Variants in ALPL observed in about 807,000 individuals in gnomAD.
ALPL encodes the protein alkaline phosphatase, tissue-nonspecific isozyme.
A neutral mutation model predicts 51.3 loss-of-function variants in ALPL; 42 were observed. That is an observed-to-expected ratio of 0.82 (90% CI 0.64 to 1.06). The LOEUF is 1.06. Among genes scored for constraint, ALPL ranks in the 50% least tolerant of loss-of-function variants. The probability of loss-of-function intolerance (pLI) is 0.00; values close to 1 mark genes in which losing one functional copy is unlikely to be tolerated. For synonymous variants in ALPL, 279 were observed against 296.4 expected (o/e 0.94, Z 0.60); for missense variants, 589 against 709.4 (o/e 0.83, Z 1.93).
At chr1:21,559,682 G>A (rs1355256320) in intron 2 of ALPL, among the ~76,000 whole-genome samples, 1 of 152,188 alleles carries the variant, frequency 6.6e-6, no homozygotes, top group Non-Finnish European at 1.5e-5. Flanking sequence ...GCCACGCCCA[G>A]CTAATTTTTC....
rs545364847 is a variant in ALPL at position 21,545,128 on chromosome 1, G to A, written c.-104-8850G>A. 4.9e-4 allele frequency among the ~76,000 whole-genome samples: 74 copies of A among 152,006 alleles called. 1 individual carries two copies. The highest frequency in any genetic ancestry group is 9.1e-4 in the Non-Finnish European group (62 of 67,988). On this transcript the variant is annotated intron_variant, in intron 1 of 11. Transcript: ENST00000374840. Reference sequence around the variant, plus strand: ...AAATTTAAAAAATAACTAAAAGAAGGGAATTATTAAATCAAATCTAGCCTA... The same window carrying A: ...AAATTTAAAAAATAACTAAAAGAAGAGAATTATTAAATCAAATCTAGCCTA...
intron 1 of ALPL, among the ~76,000 whole-genome samples, chr1:21,547,353 G>T (rs1644265983): frequency 6.6e-6 from 1 of 152,134 alleles, no homozygotes; most frequent in African/African-American, 2.4e-5. Context: ...TAGTGTGACC[G>T]AGTGTGTGCA....
chr1:21,560,842 A>C, intron 3 of ALPL, 97 bp downstream of exon 3: 2 of 1,481,234 alleles, frequency 1.4e-6, no homozygotes, highest in South Asian at 1.2e-5. Context: ...TGAAGGGGCT[A>C]GGGCTCTGGA....
rs1320839573 is a variant in ALPL at position 21,563,152 on chromosome 1, G to A, written c.340G>A (p.Ala114Thr). The change falls in exon 5 of 12, where the codon GCC becomes ACC. Residue 114 changes from alanine to threonine, a missense_variant. Ala to Thr is a moderately conservative substitution (Grantham distance 58, BLOSUM62 0). Transcript: ENST00000374840. ...NAQVPDSAGT[A>T]TAYLCGVKAN... ...CCAGGTCCCTGACAGTGCCGGCACC[G>A]CCACCGCCTACCTGTGTGGGGTGAA... 8.7e-6 allele frequency: 14 copies of A among 1,613,460 alleles called. No homozygotes were observed. Among genetic ancestry groups the A allele is most frequent in the Non-Finnish European group, 1.1e-5 (13 of 1,179,726 alleles).
chr1:21,542,558 C>T (rs1003594321), intron 1 of ALPL, among the ~76,000 whole-genome samples: 15 of 152,194 alleles, frequency 9.9e-5, no homozygotes, highest in Admixed American at 9.2e-4. Flanking sequence ...AATATAGCTT[C>T]CAGCCAGGCG....
intron 1 of ALPL, among the ~76,000 whole-genome samples, chr1:21,520,744 C>T (rs1361291134): frequency 1.3e-5 from 2 of 152,044 alleles, no homozygotes; most frequent in East Asian, 1.9e-4. Flanking sequence ...CCACGGTGCC[C>T]GGCCGAAAGC....
At chr1:21,550,247 G>A (rs1401228929) in intron 1 of ALPL, among the ~76,000 whole-genome samples, 1 of 152,136 alleles carries the variant, frequency 6.6e-6, no homozygotes, top group East Asian at 1.9e-4. Context: ...ACACTTGGGG[G>A]CAACAGAAAT....
chr1:21,546,084 G>A (rs1357269975), intron 1 of ALPL, among the ~76,000 whole-genome samples: 2 of 152,208 alleles, frequency 1.3e-5, no homozygotes, highest in Non-Finnish European at 2.9e-5. Context: ...AAAGTGCTGG[G>A]ATTGCAGGCA....
intron 1 of ALPL, among the ~76,000 whole-genome samples, chr1:21,514,896 C>T (rs1643764637): frequency 6.6e-6 from 1 of 152,140 alleles, no homozygotes; most frequent in Admixed American, 6.5e-5. Context: ...AGAGGGCAGA[C>T]ACCTTAGGAT....
chr1:21,532,335 G>T lies in ALPL; in HGVS notation c.-104-21643G>T, dbSNP rs7524179. 6.7e-3 allele frequency among the ~76,000 whole-genome samples: 1,026 copies of T among 152,142 alleles called. 11 individuals are homozygous for T. Among genetic ancestry groups the T allele is most frequent in the African/African-American group, 0.023 (957 of 41,500 alleles). ...GCCTCCCGAGTAGCTGGGATTACAG[G>T]CACCTGCCATCATGCCCTGCTAATT... On this transcript the variant is annotated intron_variant, in intron 1 of 11. Transcript: ENST00000374840.
chr1:21,573,631 C>A lies in ALPL; in HGVS notation c.863-34C>A, dbSNP rs200813065. On this transcript the variant is annotated intron_variant, in intron 8 of 11. Coordinates refer to ENST00000374840, the MANE Select transcript of ALPL (RefSeq NM_000478.6). ...AGTCCTCCTAGCCGGGTCACAGCCT[C>A]TCAGCATCCACATCCTCCTGGCGTC... The A allele has an allele frequency of 6.2e-6, 10 of 1,611,930 alleles. No individual in the cohort carries two copies. In the East Asian group the frequency reaches 2.0e-4, roughly 32 times the overall value.
chr1:21,555,662 C>T (rs1644403327), intron 2 of ALPL, among the ~76,000 whole-genome samples: 2 of 152,170 alleles, frequency 1.3e-5, no homozygotes, highest in African/African-American at 4.8e-5. Flanking sequence ...AAGTGATCCA[C>T]CCGCCTTGGC....
At chr1:21,520,507 G>A (rs1349326695) in intron 1 of ALPL, among the ~76,000 whole-genome samples, 14 of 125,014 alleles carry the variant, frequency 1.1e-4, no homozygotes, top group African/African-American at 3.5e-4. Flanking sequence ...TCGCCCTGTC[G>A]CCCAGGATGG....
Position 21,561,147 on chromosome 1 carries a change from C to T in ALPL, c.232C>T (p.His78Tyr), listed in dbSNP as rs1279759337. ...TAARILKGQL[H>Y]HNPGEETRLE... ...TGCCCGCATCCTCAAGGGTCAGCTC[C>T]ACCACAACCCTGGGGAGGAGACCAG... is the stretch of plus-strand genomic sequence containing the variant. The change falls in exon 4 of 12, where the codon CAC becomes TAC. Residue 78 changes from histidine (H) to tyrosine (Y), a missense_variant. Transcript: ENST00000374840. 1 of 1,613,662 alleles carries T rather than the reference C, an allele frequency of 6.2e-7. No individual in the cohort carries two copies. The highest frequency in any genetic ancestry group is 1.7e-5 in the Admixed American group (1 of 59,980).
intron 1 of ALPL, among the ~76,000 whole-genome samples, chr1:21,510,456 A>G (rs1643663516): frequency 6.6e-6 from 1 of 152,216 alleles, no homozygotes. Context: ...AGGTGGGCCC[A>G]GCTGCCCAGG....
intron 1 of ALPL, among the ~76,000 whole-genome samples, chr1:21,527,192 C>G (rs1259313997): frequency 6.6e-6 from 1 of 151,856 alleles, no homozygotes; most frequent in Non-Finnish European, 1.5e-5. Flanking sequence ...ACCACCACAC[C>G]CAGCTAATTT....
chr1:21,547,006 C>T (rs374372698), intron 1 of ALPL, among the ~76,000 whole-genome samples: 1 of 152,218 alleles, frequency 6.6e-6, no homozygotes, highest in Non-Finnish European at 1.5e-5. Flanking sequence ...CACAGGGCAC[C>T]TGGCACAATG....
intron 4 of ALPL, among the ~76,000 whole-genome samples, chr1:21,562,788 T>C (rs1256337): frequency 1 from 151,160 of 151,594 alleles, 75,365 homozygotes; most frequent in Middle Eastern, 1. Flanking sequence ...CCCAACCCCT[T>C]GCTGGCTCCT....
In ALPL at chr1:21,509,727, G is replaced by T. The variant is rs995099481; in HGVS notation, c.-105+210G>T. Among the ~76,000 whole-genome samples the T allele has an allele frequency of 2.0e-5, 3 of 152,186 alleles. No homozygotes were observed. The South Asian group carries it at 6.2e-4, about 31-fold the overall frequency. ...CGCGCATCCCAAGCTCCCGGCGCGC[G>T]CTCTGGGCGGGACAGGAGATTGGAC... is the stretch of plus-strand genomic sequence containing the variant. On this transcript the variant is annotated intron_variant, in intron 1 of 11. Transcript: ENST00000374840. This position sits in a 1 kb window ranked among gnomAD's most constrained non-coding sequence, Gnocchi z 6.0.
Sources: gnomAD v4.1 joint callset for allele counts (sites outside exome capture counted in the v4.1 genomes callset) on GRCh38, gnomAD v4.1.1 for gene constraint, Gnocchi (gnomAD v3.1) non-coding constraint, MANE v1.5 for transcripts, NCBI Gene and HGNC (gene_info 2026-07-23, HGNC 2026-07-21) for gene names.